The following HIVEP3 variants were observed in gnomAD, a reference collection of about 807,000 sequenced individuals.
The protein encoded by HIVEP3 is HIVEP zinc finger 3.
In HIVEP3, 49 loss-of-function variants were observed where a neutral mutation model predicts 152.8. That is an observed-to-expected ratio of 0.32 (90% CI 0.26 to 0.41). The LOEUF (loss-of-function observed/expected upper bound fraction) is 0.41. HIVEP3 is among the 10% of genes least tolerant of loss of function. The probability of loss-of-function intolerance (pLI) is 1.00; values close to 1 mark genes in which losing one functional copy is unlikely to be tolerated. For synonymous variants in HIVEP3, 1,269 were observed against 1,289.0 expected (o/e 0.98, Z 0.33); for missense variants, 2,790 against 3,103.3 (o/e 0.90, Z 2.40).
chr1:41,691,289 G>A (rs1646194389), intron 2 of HIVEP3, among the ~76,000 whole-genome samples: 2 of 152,186 alleles, frequency 1.3e-5, no homozygotes, highest in Admixed American at 6.5e-5. Flanking sequence ...CATATCATAT[G>A]TACCTACTGT....
chr1:41,758,906 A>G (rs896494736), intron 1 of HIVEP3, among the ~76,000 whole-genome samples: 17 of 152,168 alleles, frequency 1.1e-4, no homozygotes, highest in African/African-American at 3.6e-4. Context: ...ACTGTGACCA[A>G]TGACTCCCTC....
intron 2 of HIVEP3, among the ~76,000 whole-genome samples, chr1:41,638,266 G>GAA (rs1417075772): frequency 3.6e-5 from 5 of 140,806 alleles, no homozygotes; most frequent in Admixed American, 7.6e-5. Flanking sequence ...GAGAAAGAAA[G>GAA]AAAGAAAGAA....
chr1:41,599,252 C>T (rs749030000), intron 3 of HIVEP3, among the ~76,000 whole-genome samples: 8 of 151,936 alleles, frequency 5.3e-5, no homozygotes, highest in African/African-American at 1.2e-4. Context: ...ACACAGAAAA[C>T]GAATGTGAAA....
chr1:41,867,140 C>T, intron 1 of HIVEP3, among the ~76,000 whole-genome samples: 1 of 152,136 alleles, frequency 6.6e-6, no homozygotes, highest in African/African-American at 2.4e-5. Context: ...GACACTCCAG[C>T]AGGAACTCCA....
chr1:41,773,106 G>C (rs760716980), intron 1 of HIVEP3, among the ~76,000 whole-genome samples: 2 of 152,156 alleles, frequency 1.3e-5, no homozygotes, highest in African/African-American at 2.4e-5. Flanking sequence ...GTAGATTCAG[G>C]AAACACCTAC....
chr1:41,652,185 T>C (rs1351793711), intron 2 of HIVEP3, among the ~76,000 whole-genome samples: 1 of 152,228 alleles, frequency 6.6e-6, no homozygotes, highest in African/African-American at 2.4e-5. Flanking sequence ...TCTGAAGGAC[T>C]AGCTAAGCCA....
In HIVEP3 at chr1:41,960,576, ACTT is replaced by A. The variant is rs910609816; in HGVS notation, n.120-42055_120-42053del. 8.5e-5 allele frequency among the ~76,000 whole-genome samples: 13 copies of A among 152,290 alleles called. No homozygotes were observed. The East Asian group carries it at 1.2e-3, about 14-fold the overall frequency. ...CCTCGAAGGATTACACTGAAGCCAG[ACTT>A]CTTCTAAAACCACATTTTTTCCTAG... On this transcript the variant is annotated intron_variant and non_coding_transcript_variant, in intron 1 of 3. Transcript: ENST00000489103.
chr1:41,789,078 C>A (rs1175265265), intron 1 of HIVEP3, among the ~76,000 whole-genome samples: 1 of 152,198 alleles, frequency 6.6e-6, no homozygotes. Flanking sequence ...GCTGCAGGCA[C>A]CCTCCTTGGA....
Position 41,582,858 on chromosome 1 carries a change from A to C in HIVEP3, c.1940T>G (p.Ile647Arg), listed in dbSNP as rs1644437211. Residue 647 changes from isoleucine to arginine, a missense_variant, in exon 4 of 9, where the codon ATA (isoleucine) becomes AGA (arginine). This residue lies in a region of HIVEP3 where 339 missense variants were observed against 327.0 expected (regional missense o/e 1.04). Transcript: ENST00000372583. The surrounding 1 kb of genome is among the most constrained non-coding windows in gnomAD (Gnocchi z 4.7). Reference sequence around the variant, plus strand: ...CCTTTTCTTGTACCGAGCACCACATATGTTACATTCGTAGATCACCCCTTT... The same window carrying C: ...CCTTTTCTTGTACCGAGCACCACATCTGTTACATTCGTAGATCACCCCTTT... ...KTKGVIYECN[I>R]CGARYKKRDN... 1 of 1,613,960 alleles carries C rather than the reference A, an allele frequency of 6.2e-7. No homozygotes were observed. Among genetic ancestry groups the C allele is most frequent in the South Asian group, 1.1e-5 (1 of 91,082 alleles).
intron 1 of HIVEP3, among the ~76,000 whole-genome samples, chr1:41,992,387 T>C (rs1323663103): frequency 7.3e-6 from 1 of 137,354 alleles, no homozygotes; most frequent in African/African-American, 2.9e-5. Context: ...ATGAGTGAAC[T>C]CCCATTCACA....
intron 2 of HIVEP3, among the ~76,000 whole-genome samples, chr1:41,644,621 G>A (rs1208615779): frequency 1.7e-4 from 25 of 150,842 alleles, no homozygotes; most frequent in Admixed American, 1.7e-3. Context: ...ATTACTGAAG[G>A]AATGTCTCCA....
At position 41,580,330 on chromosome 1, in the gene HIVEP3, C is replaced by T; in HGVS notation, c.4468G>A (p.Gly1490Ser). 6.2e-7 allele frequency: 1 copy of T among 1,614,096 alleles called. No individual in the cohort carries two copies. Among genetic ancestry groups the T allele is most frequent in the Non-Finnish European group, 8.5e-7 (1 of 1,180,020 alleles). The change falls in exon 4 of 9, where the codon GGC (glycine) becomes AGC (serine). Residue 1490 changes from glycine (G) to serine (S), a missense_variant. Physicochemically the swap from Gly to Ser is moderately conservative, Grantham distance 56 (BLOSUM62 0). Around this residue, in one of 9 missense-constraint regions of HIVEP3, gnomAD observed 1,078 missense variants for 1,165.3 expected, o/e 0.93. Coordinates refer to ENST00000372583, the MANE Select transcript of HIVEP3 (RefSeq NM_024503.5). ...ATTTCTAGCTCCCTCCTGCCTTGGC[C>T]CTGGTTGCCTAAGTGGGATTTCTCT... Reference protein sequence around the residue: ...RPEKSHLGNQGQGRRELEMLS... With the variant: ...RPEKSHLGNQSQGRRELEMLS...
chr1:41,675,987 C>A (rs1645948497), intron 2 of HIVEP3, among the ~76,000 whole-genome samples: 3 of 151,982 alleles, frequency 2.0e-5, no homozygotes, highest in Non-Finnish European at 4.4e-5. Context: ...AATGGCCGGG[C>A]AACATCTAAT....
At chr1:41,877,021 G>A (rs529671734) in intron 1 of HIVEP3, among the ~76,000 whole-genome samples, 1 of 152,308 alleles carries the variant, frequency 6.6e-6, no homozygotes, top group East Asian at 1.9e-4. Context: ...GGAAGGCCAT[G>A]TGCATTGAGA....
intron 1 of HIVEP3, among the ~76,000 whole-genome samples, chr1:41,872,120 G>A (rs1261122783): frequency 6.6e-6 from 1 of 152,104 alleles, no homozygotes; most frequent in African/African-American, 2.4e-5. Context: ...AAAAACTTCA[G>A]CCGAATTAAA....
chr1:41,927,935 C>T (rs906858484), intron 1 of HIVEP3, among the ~76,000 whole-genome samples: 3 of 151,718 alleles, frequency 2.0e-5, no homozygotes, highest in Admixed American at 2.0e-4. Context: ...GTGACGTGTG[C>T]CTATAATCCC....
At chr1:41,626,785 C>T (rs530779256) in intron 3 of HIVEP3, among the ~76,000 whole-genome samples, 2 of 152,112 alleles carry the variant, frequency 1.3e-5, no homozygotes, top group Admixed American at 1.3e-4. Context: ...ACAGCATGAT[C>T]GATTCCTATG....
chr1:41,682,610 G>A (rs1432041485), intron 2 of HIVEP3, among the ~76,000 whole-genome samples: 3 of 152,124 alleles, frequency 2.0e-5, no homozygotes, highest in Admixed American at 2.0e-4. Context: ...AGTTTTCAGA[G>A]TGGAAACTGA....
chr1:42,008,183 A>G (rs1389401021), intron 1 of HIVEP3, among the ~76,000 whole-genome samples: 1 of 152,234 alleles, frequency 6.6e-6, no homozygotes, highest in Non-Finnish European at 1.5e-5. Context: ...TGAACCCAAA[A>G]GAACAAAATG....
Sources: allele counts gnomAD v4.1 joint callset (sites outside exome capture counted in the v4.1 genomes callset), GRCh38; gene constraint gnomAD v4.1.1; regional missense constraint gnomAD v4.1.1; non-coding constraint Gnocchi (gnomAD v3.1); transcripts MANE v1.5; gene names NCBI Gene and HGNC (gene_info 2026-07-23, HGNC 2026-07-21).